FSCN2: variants seen among roughly 807,000 people sequenced by gnomAD.
FSCN2 encodes the protein fascin actin-bundling protein 2, retinal.
FSCN2 carries 46 observed loss-of-function variants against 37.8 expected under a neutral mutation model. That is an observed-to-expected ratio of 1.22 (90% CI 0.96 to 1.56). FSCN2 has a LOEUF of 1.56. Ranked by LOEUF, FSCN2 falls within the 40% of genes most tolerant of loss-of-function variation. FSCN2 has a pLI of 0.00. For synonymous variants in FSCN2, 351 were observed against 309.4 expected, an observed-to-expected ratio of 1.13 and a Z score of -1.41; for missense variants, 844 against 730.4, an observed-to-expected ratio of 1.16 and a Z score of -1.79.
intron 1 of FSCN2, among the ~76,000 whole-genome samples, chr17:81,532,005 ATGG>A (rs1187324186): frequency 8.6e-6 from 1 of 115,902 alleles, no homozygotes; most frequent in Non-Finnish European, 1.8e-5. Flanking sequence ...GGTGGTGGTG[ATGG>A]TAGTGGTGGT....
intron 1 of FSCN2, chr17:81,530,055 C>T (rs1219705048): frequency 3.2e-5 from 8 of 249,052 alleles, no homozygotes; most frequent in Non-Finnish European, 6.5e-5. Flanking sequence ...TGTGATCTGT[C>T]CACCTCGGCC....
the FSCN2 span, among the ~76,000 whole-genome samples, chr17:81,517,021 G>A: frequency 1.3e-5 from 2 of 152,156 alleles, no homozygotes; most frequent in African/African-American, 4.8e-5. Flanking sequence ...CTGGGTCAGG[G>A]TAATTAGCCA....
Position 81,529,148 on chromosome 17 carries a change from C to T in FSCN2, c.617C>T (p.Pro206Leu). The T allele has an allele frequency of 6.3e-7, 1 of 1,585,018 alleles. No homozygotes were observed. The highest frequency in any genetic ancestry group is 8.6e-7 in the Non-Finnish European group (1 of 1,167,164). ...SDGRLVWEPE[P>L]RACYTLEFKA... ...GGCCGTCTGGTCTGGGAGCCTGAGC[C>T]CCGTGCCTGCTACACGCTGGAGTTC... Residue 206 changes from proline (P) to leucine (L), a missense_variant, in exon 1 of 5, where the codon CCC (proline) becomes CTC (leucine). Coordinates refer to ENST00000417245, the MANE Select transcript of FSCN2 (RefSeq NM_012418.4).
chr17:81,528,522 C>G lies in FSCN2; in HGVS notation c.-10C>G. Reference sequence around the variant, plus strand: ...TCCCAGGCCCCTCCGGGGACCCGGCCAGCCTGAAGATGCCGACGAACGGCC... The same window carrying G: ...TCCCAGGCCCCTCCGGGGACCCGGCGAGCCTGAAGATGCCGACGAACGGCC... On this transcript the variant is annotated 5_prime_UTR_variant, in exon 1 of 5. Coordinates refer to ENST00000417245, the MANE Select transcript of FSCN2 (RefSeq NM_012418.4). 6.3e-7 allele frequency: 1 copy of G among 1,577,556 alleles called. No individual in the cohort carries two copies. The highest frequency in any genetic ancestry group is 8.6e-7 in the Non-Finnish European group (1 of 1,160,886).
At chr17:81,531,465 A>G (rs369452186) in intron 1 of FSCN2, among the ~76,000 whole-genome samples, 1,571 of 71,690 alleles carry the variant, frequency 0.022, 8 homozygotes, top group South Asian at 0.039. Context: ...GATGGTGATG[A>G]TGGTGGTGGT....
Position 81,528,865 on chromosome 17 carries a change from G to A in FSCN2, c.334G>A (p.Gly112Arg), listed in dbSNP as rs782151927. ...LRSEPHGRFF[G>R]GTEDQLSCFA... ...GTCCGAGCCGCACGGCCGCTTCTTC[G>A]GAGGCACCGAGGACCAGCTGTCCTG... The change falls in exon 1 of 5, where the codon GGA (glycine) becomes AGA (arginine). Residue 112 changes from glycine (G) to arginine (R), a missense_variant. Coordinates refer to ENST00000417245, the MANE Select transcript of FSCN2 (RefSeq NM_012418.4). The A allele has an allele frequency of 5.1e-5, 79 of 1,562,134 alleles. 1 individual carries two copies. The highest frequency in any genetic ancestry group is 3.5e-4 in the South Asian group (30 of 85,464).
chr17:81,535,129 A>T lies in FSCN2; in HGVS notation c.904A>T (p.Lys302Ter), dbSNP rs561813825. ...GATGCAAATTGACCAGGAGACAAAG[A>T]AGTGCACCTTCTATTCCAGCACTGG... ...FLMQIDQETKKCTFYSSTGGY... is the reference protein window; with the variant it reads ...FLMQIDQETK Residue 302 changes from lysine (K) to a stop codon, truncating the protein, a stop_gained, in exon 2 of 5, where the codon AAG becomes TAG. Coordinates refer to ENST00000417245, the MANE Select transcript of FSCN2 (RefSeq NM_012418.4). LOFTEE classifies it high-confidence loss of function. 16 of 1,534,122 alleles carry T rather than the reference A, an allele frequency of 1.0e-5. No individual in the cohort carries two copies. The highest frequency in any genetic ancestry group is 9.8e-5 in the Admixed American group (5 of 50,790).
intron 1 of FSCN2, among the ~76,000 whole-genome samples, chr17:81,533,361 C>T (rs891823198): frequency 2.6e-5 from 4 of 152,202 alleles, no homozygotes; most frequent in African/African-American, 4.8e-5. Flanking sequence ...TCTCCTGAAA[C>T]GGGAGTCCAG....
rs757296737 is a variant in FSCN2, at chr17:81,531,978, GTGA to G, written c.826+2630_826+2632del. ...GGTGATGGTGATAGTGATGATAATG[GTGA>G]TGATGATGGTGATGGTGGTGGTGAT... On this transcript the variant is annotated intron_variant, in intron 1 of 4. Coordinates refer to ENST00000417245, the MANE Select transcript of FSCN2 (RefSeq NM_012418.4). 3.9e-3 allele frequency among the ~76,000 whole-genome samples: 528 copies of G among 133,708 alleles called. 4 individuals are homozygous for G. The highest frequency in any genetic ancestry group is 8.1e-3 in the African/African-American group (288 of 35,382). The allele number at this position is 133,708 out of a possible 152,430, so 87.7% of individuals were successfully genotyped here.
At chr17:81,515,348 T>TG in the FSCN2 span, among the ~76,000 whole-genome samples, 2 of 151,938 alleles carry the variant, frequency 1.3e-5, no homozygotes, top group East Asian at 1.9e-4. Flanking sequence ...TGGATGGAGC[T>TG]GGGGGTAGCT....
rs1178020133 is a variant in FSCN2, at chr17:81,528,992, T to C, written c.461T>C (p.Leu154Pro). 1.3e-6 allele frequency: 2 copies of C among 1,583,394 alleles called. No homozygotes were observed. Among genetic ancestry groups the C allele is most frequent in the African/African-American group, 2.7e-5 (2 of 74,534 alleles). Residue 154 changes from leucine (L) to proline (P), a missense_variant, in exon 1 of 5, where the codon CTG becomes CCG. By Grantham distance (98) the Leu-to-Pro change is moderately conservative (BLOSUM62 -3). Transcript: ENST00000417245. ...LSVSRRRYVHLCPREDEMAAD... is the reference protein window; with the variant it reads ...LSVSRRRYVHPCPREDEMAAD... ...GTGAGCCGGCGGCGCTACGTGCACC[T>C]GTGCCCGCGGGAGGACGAGATGGCC...
chr17:81,515,605 C>T, the FSCN2 span, among the ~76,000 whole-genome samples: 5 of 152,248 alleles, frequency 3.3e-5, no homozygotes, highest in South Asian at 2.1e-4. Context: ...AACCCAGGGC[C>T]TGCGCCCTCC....
Position 81,537,075 on chromosome 17 carries a change from T to C in FSCN2, c.1474T>C (p.Tyr492His). 1 of 1,443,976 alleles carries C rather than the reference T, an allele frequency of 6.9e-7. No individual in the cohort carries two copies. The highest frequency in any genetic ancestry group is 2.9e-5 in the Admixed American group (1 of 34,548). The allele number at this position is 1,443,976 out of a possible 1,614,324, so 89.4% of individuals were successfully genotyped here. ...DAPAGTALWE[Y>H] The stretch of plus-strand genomic sequence containing the variant: ...CCCGGCCGGGACCGCGCTTTGGGAG[T>C]ACTGAGGCCGCGCCCAGACCAGCCT... Residue 492 changes from tyrosine to histidine, a missense_variant, in exon 5 of 5, where the codon TAC (tyrosine) becomes CAC (histidine). By Grantham distance (83) the Tyr-to-His change is moderately conservative. Transcript: ENST00000417245.
In FSCN2 at chr17:81,532,437, G is replaced by GTGATGGTGATGATAATGGTGA. The variant is rs1568079350; in HGVS notation, c.827-2610_827-2609insGTGATGATAATGGTGATGATG. On this transcript the variant is annotated intron_variant, in intron 1 of 4. Coordinates refer to ENST00000417245, the MANE Select transcript of FSCN2 (RefSeq NM_012418.4). ...GATGATGGTGATGGTGATGATAATGGTGATGATGATGGTGATGGTGGTGGT... is the reference window on the plus strand; with the variant it reads ...GATGATGGTGATGGTGATGATAATGGTGATGGTGATGATAATGGTGATGATGATGATGGTGATGGTGGTGGT... Among the ~76,000 whole-genome samples, 25 of 114,816 alleles carry GTGATGGTGATGATAATGGTGA rather than the reference G, an allele frequency of 2.2e-4. 1 individual carries two copies. Among genetic ancestry groups the GTGATGGTGATGATAATGGTGA allele is most frequent in the African/African-American group, 9.0e-4 (25 of 27,814 alleles). The allele number at this position is 114,816 out of a possible 152,430, so 75.3% of individuals were successfully genotyped here.
At position 81,528,853 on chromosome 17, in the gene FSCN2, G is replaced by A. The variant is rs1272391978; in HGVS notation, c.322G>A (p.Gly108Ser). Residue 108 changes from glycine (G) to serine (S), a missense_variant, in exon 1 of 5, where the codon GGC becomes AGC. Physicochemically the swap from Gly to Ser is moderately conservative, Grantham distance 56. Coordinates refer to ENST00000417245, the MANE Select transcript of FSCN2 (RefSeq NM_012418.4). ...GRWVLRSEPH[G>S]RFFGGTEDQL... ...CTGGGTGCTGCGGTCCGAGCCGCAC[G>A]GCCGCTTCTTCGGAGGCACCGAGGA... is the stretch of plus-strand genomic sequence containing the variant. The A allele has an allele frequency of 6.4e-6, 10 of 1,557,266 alleles. No homozygotes were observed. The highest frequency in any genetic ancestry group is 2.4e-5 in the South Asian group (2 of 85,082).
chr17:81,536,941 A>C lies in FSCN2; in HGVS notation c.1340A>C (p.Glu447Ala), dbSNP rs1340240203. Residue 447 changes from glutamate to alanine, a missense_variant, in exon 5 of 5, where the codon GAG (glutamate) becomes GCG (alanine). Physicochemically the swap from Glu to Ala is moderately radical, Grantham distance 107. Transcript: ENST00000417245. ...GSVCSDGERA[E>A]DFVFEFRERG... ...GTGTGCAGCGACGGCGAACGCGCCG[A>C]GGACTTCGTCTTCGAGTTCCGTGAG... is the stretch of plus-strand genomic sequence containing the variant. The C allele has an allele frequency of 6.4e-7, 1 of 1,570,930 alleles. No homozygotes were observed. The highest frequency in any genetic ancestry group is 2.4e-5 in the East Asian group (1 of 41,132).
At chr17:81,534,417 G>A (rs1413115626) in intron 1 of FSCN2, among the ~76,000 whole-genome samples, 1 of 152,154 alleles carries the variant, frequency 6.6e-6, no homozygotes, top group Non-Finnish European at 1.5e-5. Flanking sequence ...TGTGGGAGGA[G>A]CCAGGGACTT....
intron 1 of FSCN2, among the ~76,000 whole-genome samples, chr17:81,531,684 G>GTGA (rs1296593082): frequency 2.4e-5 from 3 of 124,394 alleles, no homozygotes; most frequent in Admixed American, 7.7e-5. Context: ...GATGATGATG[G>GTGA]TGATGATGGT....
chr17:81,515,980 G>A, the FSCN2 span, among the ~76,000 whole-genome samples: 1 of 152,300 alleles, frequency 6.6e-6, no homozygotes, highest in Non-Finnish European at 1.5e-5. Flanking sequence ...GAGTAGCTGA[G>A]ACTACAGGCG....
Sources: allele counts gnomAD v4.1 joint callset (sites outside exome capture counted in the v4.1 genomes callset), GRCh38; gene constraint gnomAD v4.1.1; transcripts MANE v1.5; gene names NCBI Gene and HGNC (gene_info 2026-07-23, HGNC 2026-07-21).